CLIP1: variants seen among roughly 807,000 people sequenced by gnomAD.
CLIP1 encodes CAP-Gly domain-containing linker protein 1.
A neutral mutation model predicts 161.6 loss-of-function variants in CLIP1; 66 were observed. The observed-to-expected ratio is 0.41, with a 90% CI of 0.33 to 0.50. CLIP1 has a LOEUF of 0.50. Among genes scored for constraint, CLIP1 ranks in the 20% least tolerant of loss-of-function variants. The pLI is 0.27. For missense variants in CLIP1, 1,376 were observed against 1,702.0 expected, an observed-to-expected ratio of 0.81 and a Z score of 3.37; for synonymous variants, 598 against 626.2, an observed-to-expected ratio of 0.96 and a Z score of 0.67.
At chr12:122,285,910 A>G (rs1477550589) in intron 21 of CLIP1, among the ~76,000 whole-genome samples, 1 of 151,898 alleles carries the variant, frequency 6.6e-6, no homozygotes, top group African/African-American at 2.4e-5. Flanking sequence ...AAATACCCCG[A>G]GGCCCACAGA....
At chr12:122,360,699 A>G in intron 5 of CLIP1, 1 of 398,954 alleles carries the variant, frequency 2.5e-6, no homozygotes, top group Non-Finnish European at 4.5e-6. Flanking sequence ...GTAGTTATAC[A>G]GATTCACCAA....
chr12:122,406,459 G>A (rs2137125955), intron 1 of CLIP1, among the ~76,000 whole-genome samples: 2 of 152,300 alleles, frequency 1.3e-5, no homozygotes, highest in Admixed American at 1.3e-4. Context: ...TTCAAAAGGA[G>A]CTACAAGGAA....
intron 7 of CLIP1, among the ~76,000 whole-genome samples, chr12:122,353,262 A>G (rs1349958524): frequency 1.3e-5 from 2 of 152,184 alleles, no homozygotes; most frequent in African/African-American, 2.4e-5. Context: ...GGATTGCTTG[A>G]GCCCAGGTAG....
In CLIP1 at chr12:122,336,665, CACT is replaced by C; in HGVS notation, c.2532_2534del (p.Val845del). 1 of 1,610,546 alleles carries C rather than the reference CACT, an allele frequency of 6.2e-7. No homozygotes were observed. The highest frequency in any genetic ancestry group is 8.5e-7 in the Non-Finnish European group (1 of 1,177,570). Reference sequence around the variant, plus strand: ...GAAGTTCTTTTTCCAAAGTCTCTTTCACTTGACTGACTTCACTCAAATTTTCCT... The same window carrying C: ...GAAGTTCTTTTTCCAAAGTCTCTTTCTGACTGACTTCACTCAAATTTTCCT... On this transcript the variant is annotated inframe_deletion, in exon 12 of 26. Coordinates refer to ENST00000620786, the MANE Select transcript of CLIP1 (RefSeq NM_001247997.2).
chr12:122,387,567 TATATATATATATATATA>T lies in CLIP1; in HGVS notation c.-106-7026_-106-7010del, dbSNP rs1955350993. On this transcript the variant is annotated intron_variant, in intron 1 of 25. Transcript: ENST00000620786. ...CTTTTCATATATATATATATATATA[TATATATATATATATATA>T]TATATATTTTTTTTTTTTTTTTTTT... Among the ~76,000 whole-genome samples the T allele has an allele frequency of 3.8e-4, 8 of 21,224 alleles. 2 individuals carry two copies. The highest frequency in any genetic ancestry group is 6.2e-4 in the Admixed American group (1 of 1,604). 13.9% of individuals were successfully genotyped at this position (21,224 alleles called of 152,430 possible).
chr12:122,338,666 G>A (rs974458789), intron 11 of CLIP1, among the ~76,000 whole-genome samples: 2 of 152,068 alleles, frequency 1.3e-5, no homozygotes, highest in African/African-American at 4.8e-5. Flanking sequence ...GCAGTGACTC[G>A]AGATTGTGCC....
At position 122,397,114 on chromosome 12, in the gene CLIP1, C is replaced by G. The variant is rs902734481; in HGVS notation, c.-106-16556G>C. ...CCTGGATTCACACCATATTTCCCAG[C>G]TCCCGCTACAGTTCAGTATGATCAC... On this transcript the variant is annotated intron_variant, in intron 1 of 25. Coordinates refer to ENST00000620786, the MANE Select transcript of CLIP1 (RefSeq NM_001247997.2). Among the ~76,000 whole-genome samples the G allele has an allele frequency of 2.0e-5, 3 of 151,466 alleles. No homozygotes were observed. In the Admixed American group the frequency reaches 2.0e-4, roughly 10 times the overall value.
At chr12:122,395,605 T>C (rs1955881851) in intron 1 of CLIP1, 1 of 152,106 alleles carries the variant, frequency 6.6e-6, no homozygotes. Context: ...TATCCTCCCA[T>C]CTGAGATTAG....
chr12:122,273,985 G>T, intron 25 of CLIP1, 53 bp downstream of exon 25: 1 of 1,562,202 alleles, frequency 6.4e-7, no homozygotes, highest in Non-Finnish European at 8.8e-7. Context: ...CGCCCGCCTC[G>T]GCCTCCCAAA....
chr12:122,359,641 A>G (rs193119699), intron 5 of CLIP1, among the ~76,000 whole-genome samples: 6 of 152,314 alleles, frequency 3.9e-5, no homozygotes, highest in African/African-American at 1.2e-4. Flanking sequence ...GCAAATGGAA[A>G]TGCTCTGAGC....
intron 3 of CLIP1, among the ~76,000 whole-genome samples, chr12:122,376,163 C>T (rs1224767587): frequency 6.6e-6 from 1 of 152,090 alleles, no homozygotes; most frequent in Non-Finnish European, 1.5e-5. Context: ...GTCTTGAACT[C>T]CTGACCTCAA....
intron 1 of CLIP1, among the ~76,000 whole-genome samples, chr12:122,404,208 A>C (rs946732096): frequency 2.0e-5 from 3 of 152,234 alleles, no homozygotes; most frequent in African/African-American, 7.2e-5. Flanking sequence ...CAATGTATCA[A>C]ATCAGTGCAC....
At chr12:122,295,416 A>T (rs1950428980) in intron 20 of CLIP1, among the ~76,000 whole-genome samples, 1 of 152,334 alleles carries the variant, frequency 6.6e-6, no homozygotes, top group African/African-American at 2.4e-5. Context: ...TAATGTTTTG[A>T]ATTTCCCAAA....
chr12:122,351,753 CAT>C (rs1254425416), intron 8 of CLIP1, among the ~76,000 whole-genome samples: 2 of 152,074 alleles, frequency 1.3e-5, no homozygotes, highest in African/African-American at 2.4e-5. Flanking sequence ...TTACATTTGT[CAT>C]ATATCTAGCA....
In CLIP1 at chr12:122,297,174, T is replaced by A. The variant is rs562245732; in HGVS notation, c.3595-8633A>T. ...GGACTGGAAAATCTCCAAGAGCTCA[T>A]GTATGCATAACCCTATTTTGTAAAT... On this transcript the variant is annotated intron_variant, in intron 20 of 25. Coordinates refer to ENST00000620786, the MANE Select transcript of CLIP1 (RefSeq NM_001247997.2). Among the ~76,000 whole-genome samples the A allele has an allele frequency of 8.5e-5, 13 of 152,312 alleles. No homozygotes were observed. In the South Asian group the frequency reaches 2.7e-3, roughly 32 times the overall value.
At chr12:122,298,521 T>TTGAACC (rs901278759) in intron 20 of CLIP1, among the ~76,000 whole-genome samples, 14 of 151,376 alleles carry the variant, frequency 9.2e-5, no homozygotes, top group African/African-American at 3.4e-4. Flanking sequence ...GAAGAACTGC[T>TTGAACC]TGAACCCATG....
At chr12:122,399,873 G>C (rs1956081960) in intron 1 of CLIP1, 1 of 152,140 alleles carries the variant, frequency 6.6e-6, no homozygotes, top group Non-Finnish European at 1.5e-5. Context: ...TCAGGGGAGA[G>C]ACGTTCTGAG....
chr12:122,351,264 C>CA, intron 8 of CLIP1, 121 bp from the exon 9 acceptor site: 1 of 634,944 alleles, frequency 1.6e-6, no homozygotes, highest in Non-Finnish European at 2.6e-6. Flanking sequence ...GTTTATCAGA[C>CA]AGACTATACA....
chr12:122,303,916 C>T (rs1327963122), intron 20 of CLIP1, among the ~76,000 whole-genome samples: 3 of 152,282 alleles, frequency 2.0e-5, no homozygotes, highest in East Asian at 1.9e-4. Context: ...GGGGATCAGA[C>T]GGACAAGAAC....
Sources: allele counts gnomAD v4.1 joint callset (sites outside exome capture counted in the v4.1 genomes callset), GRCh38; gene constraint gnomAD v4.1.1; transcripts MANE v1.5; gene names NCBI Gene and HGNC (gene_info 2026-07-23, HGNC 2026-07-21).